Variants in IFTAP observed in about 807,000 individuals in gnomAD.
The protein encoded by IFTAP is intraflagellar transport-associated protein.
In IFTAP, 19 loss-of-function variants were observed where a neutral mutation model predicts 19.4. That is an observed-to-expected ratio of 0.98 (90% CI 0.68 to 1.44). The LOEUF is 1.44. Among genes scored for constraint, IFTAP ranks in the 40% most tolerant of loss-of-function variants. The pLI is 0.00. For missense variants in IFTAP, 240 were observed against 253.6 expected, an observed-to-expected ratio of 0.95 and a Z score of 0.36; for synonymous variants, 85 against 83.5, an observed-to-expected ratio of 1.02 and a Z score of -0.10.
chr11:36,631,247 T>C (rs76089575), intron 2 of IFTAP, among the ~76,000 whole-genome samples: 1,825 of 151,406 alleles, frequency 0.012, 30 homozygotes, highest in East Asian at 0.031. Flanking sequence ...CACTAGTAGC[T>C]AGTTAGAAGT....
rs1191817543 is a variant in IFTAP, at chr11:36,645,035, G to T, written c.359-2981G>T. ...TAATAATAAAGAAGTGATCTGGACG[G>T]CTAAAGTGTTTTTTATCTATATCCT... On this transcript the variant is annotated intron_variant, in intron 4 of 5. Transcript: ENST00000334307. Among the ~76,000 whole-genome samples the T allele has an allele frequency of 2.6e-5, 4 of 151,862 alleles. No individual in the cohort carries two copies. The South Asian group carries it at 6.2e-4, about 24-fold the overall frequency.
intron 2 of IFTAP, among the ~76,000 whole-genome samples, chr11:36,624,289 T>C (rs1852424581): frequency 1.3e-5 from 2 of 152,258 alleles, no homozygotes; most frequent in Non-Finnish European, 2.9e-5. Context: ...TTATCTACTC[T>C]ATGGCCAGCC....
intron 2 of IFTAP, among the ~76,000 whole-genome samples, chr11:36,611,776 G>A (rs551658023): frequency 9.2e-5 from 14 of 152,088 alleles, no homozygotes; most frequent in African/African-American, 3.4e-4. Flanking sequence ...TGATCTGTTT[G>A]GACATAACAT....
At chr11:36,601,196 G>A (rs558743925) in intron 1 of IFTAP, among the ~76,000 whole-genome samples, 1 of 152,326 alleles carries the variant, frequency 6.6e-6, no homozygotes, top group African/African-American at 2.4e-5. Context: ...GATAAGCATA[G>A]ACAATGATTA....
chr11:36,616,225 T>A (rs928459506), intron 2 of IFTAP, among the ~76,000 whole-genome samples: 10 of 151,976 alleles, frequency 6.6e-5, no homozygotes, highest in African/African-American at 2.4e-4. Flanking sequence ...AATAACAGCT[T>A]TCTATTCACT....
Position 36,659,268 on chromosome 11 carries a change from T to C in IFTAP, c.*82T>C. 1 of 1,264,290 alleles carries C rather than the reference T, an allele frequency of 7.9e-7. No individual in the cohort carries two copies. The highest frequency in any genetic ancestry group is 2.7e-5 in the East Asian group (1 of 37,034). 78.3% of individuals were successfully genotyped at this position (1,264,290 alleles called of 1,614,324 possible). On this transcript the variant is annotated 3_prime_UTR_variant, in exon 6 of 6. Coordinates refer to ENST00000334307, the MANE Select transcript of IFTAP (RefSeq NM_138787.4). ...ACATTAGAATAAAAGATAAACCTAC[T>C]ATAATTCCCTTTGTGGAAATTTACA...
At chr11:36,623,778 C>T (rs1213626579) in intron 2 of IFTAP, among the ~76,000 whole-genome samples, 8 of 152,086 alleles carry the variant, frequency 5.3e-5, no homozygotes, top group African/African-American at 1.9e-4. Context: ...CAGGAAATGC[C>T]CCTCCAATCA....
chr11:36,602,086 G>A (rs1430330768), intron 1 of IFTAP, among the ~76,000 whole-genome samples: 5 of 152,132 alleles, frequency 3.3e-5, no homozygotes, highest in African/African-American at 1.2e-4. Context: ...TTGGAAACTG[G>A]GGAAGCATTG....
Position 36,633,376 on chromosome 11 carries a change from G to A in IFTAP, c.229G>A (p.Asp77Asn), listed in dbSNP as rs1241265523. 1.9e-6 allele frequency: 3 copies of A among 1,603,386 alleles called. No individual in the cohort carries two copies. The highest frequency in any genetic ancestry group is 1.3e-5 in the African/African-American group (1 of 74,522). Residue 77 changes from aspartate to asparagine, a missense_variant, in exon 3 of 6, where the codon GAC (aspartate) becomes AAC (asparagine). Coordinates refer to ENST00000334307, the MANE Select transcript of IFTAP (RefSeq NM_138787.4). The stretch of plus-strand genomic sequence containing the variant: ...AGTTACTCATAAAAATGAAGCAGAT[G>A]ACTACCATCTTAGAAATAAAACCAT... ...AKVTHKNEAD[D>N]YHLRNKTIFL...
intron 1 of IFTAP, among the ~76,000 whole-genome samples, chr11:36,604,416 T>G (rs1211972070): frequency 6.6e-6 from 1 of 152,204 alleles, no homozygotes; most frequent in African/African-American, 2.4e-5. Flanking sequence ...TGTATGTTTT[T>G]TATTTCATCC....
chr11:36,613,773 G>A (rs144164344), intron 2 of IFTAP, among the ~76,000 whole-genome samples: 345 of 152,186 alleles, frequency 2.3e-3, no homozygotes, highest in Non-Finnish European at 3.5e-3. Context: ...GCCTCCATTG[G>A]TGATGGTTCT....
chr11:36,636,589 A>G (rs1385790204), intron 4 of IFTAP, among the ~76,000 whole-genome samples: 4 of 152,226 alleles, frequency 2.6e-5, no homozygotes, highest in Admixed American at 2.6e-4. Context: ...TGAGTGAACT[A>G]ATGTCAAGGC....
intron 4 of IFTAP, among the ~76,000 whole-genome samples, chr11:36,643,596 T>A (rs1853329913): frequency 6.6e-6 from 1 of 152,174 alleles, no homozygotes; most frequent in Admixed American, 6.6e-5. Flanking sequence ...GACTTCAAAC[T>A]ATAGTACAAG....
At chr11:36,597,996 C>A (rs906192677) in intron 1 of IFTAP, 1 of 152,128 alleles carries the variant, frequency 6.6e-6, no homozygotes, top group Non-Finnish European at 1.5e-5. Context: ...ACCAAATCCA[C>A]TTGTGACTAA....
intron 2 of IFTAP, among the ~76,000 whole-genome samples, chr11:36,631,347 A>G (rs1852717791): frequency 6.6e-6 from 1 of 151,378 alleles, no homozygotes; most frequent in Admixed American, 6.5e-5. Context: ...AACGTGATGC[A>G]TTTCATATTT....
intron 2 of IFTAP, among the ~76,000 whole-genome samples, chr11:36,623,356 TC>T (rs35845972): frequency 0.014 from 2,092 of 148,952 alleles, 27 homozygotes; most frequent in South Asian, 0.035. Flanking sequence ...ATTGTGATAC[TC>T]CCCCCCCCAC....
chr11:36,625,091 G>A (rs1852460418), intron 2 of IFTAP, among the ~76,000 whole-genome samples: 1 of 152,122 alleles, frequency 6.6e-6, no homozygotes, highest in Admixed American at 6.6e-5. Context: ...GGAAGTTGGA[G>A]ACAACCAAGA....
intron 2 of IFTAP, among the ~76,000 whole-genome samples, chr11:36,613,096 G>A (rs1851934484): frequency 1.3e-5 from 2 of 152,044 alleles, no homozygotes; most frequent in Non-Finnish European, 2.9e-5. Flanking sequence ...ATTCTCAATA[G>A]CACCTTCAGT....
chr11:36,605,746 T>C (rs1437849749), intron 1 of IFTAP, among the ~76,000 whole-genome samples: 1 of 152,200 alleles, frequency 6.6e-6, no homozygotes, highest in African/African-American at 2.4e-5. Context: ...AAAGTGTTGC[T>C]TGTGATTTAC....
Sources: gnomAD v4.1 joint callset for allele counts (sites outside exome capture counted in the v4.1 genomes callset) on GRCh38, gnomAD v4.1.1 for gene constraint, MANE v1.5 for transcripts, NCBI Gene and HGNC (gene_info 2026-07-23, HGNC 2026-07-21) for gene names.